The following AFF3 variants were observed in gnomAD, a reference collection of about 807,000 sequenced individuals.
AFF3 encodes the protein AF4/FMR2 family member 3.
Under a neutral mutation model 129.7 loss-of-function variants are expected in AFF3, and 32 were observed. That is an observed-to-expected ratio of 0.25 (90% CI 0.19 to 0.33). The LOEUF (loss-of-function observed/expected upper bound fraction) is 0.33. Ranked by LOEUF, AFF3 falls within the 10% of genes least tolerant of loss-of-function variation. The pLI is 1.00. For synonymous variants in AFF3, 644 were observed against 635.4 expected (o/e 1.01, Z -0.20); for missense variants, 1,373 against 1,592.0 (o/e 0.86, Z 2.34).
At position 99,874,027 on chromosome 2, in the gene AFF3, A is replaced by G. The variant is rs1258552826; in HGVS notation, c.874-36503T>C. On this transcript the variant is annotated intron_variant, in intron 7 of 24. Coordinates refer to ENST00000672756, the MANE Select transcript of AFF3 (RefSeq NM_001386135.1). ...GTCTCTACTAAAAATAGAAAAAAAA[A>G]TTAGCCGGGCGTGGTGGTGGACGCC... 2.6e-5 allele frequency among the ~76,000 whole-genome samples: 4 copies of G among 152,118 alleles called. No individual in the cohort carries two copies. The East Asian group carries it at 5.8e-4, about 22-fold the overall frequency.
chr2:99,560,521 T>G, intron 20 of AFF3, 85 bp from the exon 21 acceptor site: 1 of 1,248,016 alleles, frequency 8.0e-7, no homozygotes, highest in African/African-American at 1.5e-5. Flanking sequence ...TAACAGAACT[T>G]CTATGATGGT....
chr2:99,895,434 C>T (rs969665923), intron 7 of AFF3, among the ~76,000 whole-genome samples: 9 of 152,166 alleles, frequency 5.9e-5, no homozygotes, highest in South Asian at 4.1e-4. Flanking sequence ...AATTTAGATA[C>T]GCTGAAGTGC....
At chr2:99,676,475 C>A (rs903524323) in intron 11 of AFF3, among the ~76,000 whole-genome samples, 1 of 152,134 alleles carries the variant, frequency 6.6e-6, no homozygotes, top group Non-Finnish European at 1.5e-5. Flanking sequence ...GGCCCTGGGA[C>A]CTGCCTCAGA....
chr2:99,957,322 G>A (rs932516942), intron 7 of AFF3, among the ~76,000 whole-genome samples: 67 of 152,218 alleles, frequency 4.4e-4, no homozygotes, highest in African/African-American at 1.6e-3. Flanking sequence ...TGGAAAGGAA[G>A]TAATGCTTAA....
intron 24 of AFF3, among the ~76,000 whole-genome samples, chr2:99,552,074 G>C (rs1259114849): frequency 6.6e-6 from 1 of 152,098 alleles, no homozygotes; most frequent in Non-Finnish European, 1.5e-5. Flanking sequence ...CATTCCCTAG[G>C]TTTGCCCTTT....
At chr2:99,676,570 T>C (rs1410163400) in intron 11 of AFF3, among the ~76,000 whole-genome samples, 1 of 152,212 alleles carries the variant, frequency 6.6e-6, no homozygotes, top group Non-Finnish European at 1.5e-5. Context: ...TCAATGCTCA[T>C]TTTTATCAAT....
At chr2:99,867,362 A>C (rs1691496981) in intron 7 of AFF3, among the ~76,000 whole-genome samples, 1 of 152,124 alleles carries the variant, frequency 6.6e-6, no homozygotes, top group Non-Finnish European at 1.5e-5. Flanking sequence ...AGTGGGTTTG[A>C]GATAAGGCGG....
intron 3 of AFF3, chr2:100,105,161 C>T: frequency 6.4e-6 from 2 of 313,034 alleles, no homozygotes; most frequent in Non-Finnish European, 9.4e-6. Context: ...CGCCCGCGCC[C>T]GGCCCCGCCC....
chr2:99,881,737 A>G (rs188225011), intron 7 of AFF3, among the ~76,000 whole-genome samples: 13 of 152,384 alleles, frequency 8.5e-5, no homozygotes, highest in Non-Finnish European at 1.6e-4. Context: ...GGATTAGTGA[A>G]AATTTCAAAC....
chr2:99,778,821 T>C (rs925299599), intron 8 of AFF3, among the ~76,000 whole-genome samples: 2 of 152,108 alleles, frequency 1.3e-5, no homozygotes, highest in African/African-American at 4.8e-5. Context: ...TTTTTGTATA[T>C]TGATCTTATA....
chr2:99,964,733 T>C (rs1392876474), intron 7 of AFF3, among the ~76,000 whole-genome samples: 2 of 152,172 alleles, frequency 1.3e-5, no homozygotes, highest in Non-Finnish European at 2.9e-5. Flanking sequence ...ACAAAAAGAA[T>C]TATGCACCAT....
At chr2:99,890,023 C>T (rs927792120) in intron 7 of AFF3, among the ~76,000 whole-genome samples, 2 of 152,156 alleles carry the variant, frequency 1.3e-5, no homozygotes, top group African/African-American at 4.8e-5. Flanking sequence ...ACACAGGTGC[C>T]CTTTTGCGTG....
intron 2 of AFF3, chr2:100,106,254 G>T: frequency 8.5e-7 from 1 of 1,174,126 alleles, no homozygotes; most frequent in Non-Finnish European, 1.1e-6. Flanking sequence ...AACATAGTCT[G>T]AGAAAATGAA....
At chr2:99,857,647 A>T (rs1690626319) in intron 7 of AFF3, among the ~76,000 whole-genome samples, 2 of 152,206 alleles carry the variant, frequency 1.3e-5, no homozygotes, top group African/African-American at 4.8e-5. Flanking sequence ...CTTGCAGCAG[A>T]TCAACTTCCT....
At chr2:99,606,497 T>C (rs868110575) in intron 13 of AFF3, among the ~76,000 whole-genome samples, 1 of 152,142 alleles carries the variant, frequency 6.6e-6, no homozygotes, top group African/African-American at 2.4e-5. Context: ...TAAGCGTTCA[T>C]GTGTGATTAC....
At chr2:100,094,583 T>C (rs1437130501) in intron 4 of AFF3, among the ~76,000 whole-genome samples, 18 of 151,504 alleles carry the variant, frequency 1.2e-4, no homozygotes, top group East Asian at 3.9e-4. Flanking sequence ...GCCCAGGTCC[T>C]AACAGGCCCC....
intron 7 of AFF3, among the ~76,000 whole-genome samples, chr2:99,994,552 G>A (rs1680659764): frequency 6.6e-6 from 1 of 152,108 alleles, no homozygotes; most frequent in Non-Finnish European, 1.5e-5. Flanking sequence ...TCAAAAATAA[G>A]ATGGAATGCA....
At chr2:99,911,293 C>G (rs1267550899) in intron 7 of AFF3, among the ~76,000 whole-genome samples, 4 of 151,810 alleles carry the variant, frequency 2.6e-5, no homozygotes, top group African/African-American at 9.7e-5. Flanking sequence ...GAGGCTGAGG[C>G]AGGAGCATCA....
chr2:100,063,654 G>C (rs540430977), intron 4 of AFF3, among the ~76,000 whole-genome samples: 1 of 152,062 alleles, frequency 6.6e-6, no homozygotes, highest in Admixed American at 6.6e-5. Context: ...CAATGAGAAG[G>C]TCCAAAATAT....
Sources: allele counts gnomAD v4.1 joint callset (sites outside exome capture counted in the v4.1 genomes callset), GRCh38; gene constraint gnomAD v4.1.1; transcripts MANE v1.5; gene names NCBI Gene and HGNC (gene_info 2026-07-23, HGNC 2026-07-21).